RALGAPA1: variants seen among roughly 807,000 people sequenced by gnomAD.
RALGAPA1 encodes Ral GTPase activating protein catalytic subunit alpha 1.
RALGAPA1 carries 52 observed loss-of-function variants against 269.6 expected under a neutral mutation model. The ratio of observed to expected loss-of-function variants is 0.19; its 90% CI spans 0.15 to 0.24. RALGAPA1 has a LOEUF of 0.24. RALGAPA1 is among the 10% of genes least tolerant of loss of function. The probability of loss-of-function intolerance (pLI) is 1.00; values close to 1 mark genes in which losing one functional copy is unlikely to be tolerated. For missense variants in RALGAPA1, 1,917 were observed against 3,013.9 expected (o/e 0.64, Z 8.52); for synonymous variants, 817 against 1,008.3 (o/e 0.81, Z 3.60).
At chr14:35,766,750 A>G (rs1318182628) in intron 4 of RALGAPA1, 18 of 529,910 alleles carry the variant, frequency 3.4e-5, no homozygotes, top group Non-Finnish European at 3.8e-6. Context: ...ATTGCTAATG[A>G]TTTTGTGAAT....
intron 16 of RALGAPA1, among the ~76,000 whole-genome samples, chr14:35,708,010 G>A (rs1438367977): frequency 6.6e-6 from 1 of 151,454 alleles, no homozygotes; most frequent in East Asian, 1.9e-4. Context: ...ACATACACTG[G>A]GGAAAGGACA....
chr14:35,804,637 A>C (rs2077224314), intron 1 of RALGAPA1, among the ~76,000 whole-genome samples: 1 of 151,836 alleles, frequency 6.6e-6, no homozygotes, highest in Admixed American at 6.6e-5. Context: ...TTCAGAAATA[A>C]AAAGAGATTA....
chr14:35,625,259 TA>T, intron 35 of RALGAPA1, 101 bp downstream of exon 35: 1 of 593,352 alleles, frequency 1.7e-6, no homozygotes, highest in South Asian at 3.6e-5. Context: ...TATAAATCAA[TA>T]ACACAGTATT....
intron 31 of RALGAPA1, among the ~76,000 whole-genome samples, chr14:35,641,238 G>C (rs2062008691): frequency 6.6e-6 from 1 of 152,118 alleles, no homozygotes; most frequent in Non-Finnish European, 1.5e-5. Flanking sequence ...GGAGGTCCTA[G>C]CTAGAGCAAG....
chr14:35,700,042 C>T, intron 17 of RALGAPA1, 120 bp downstream of exon 17: 2 of 873,764 alleles, frequency 2.3e-6, no homozygotes, highest in Non-Finnish European at 1.7e-6. Context: ...CACTTTCCCA[C>T]TTTCCCACAC....
intron 12 of RALGAPA1, among the ~76,000 whole-genome samples, chr14:35,729,712 GGAA>G (rs1039397103): frequency 1.3e-5 from 2 of 152,160 alleles, no homozygotes; most frequent in African/African-American, 4.8e-5. Flanking sequence ...GAAAAGCAGT[GGAA>G]GATGATGCTG....
At position 35,785,148 on chromosome 14, in the gene RALGAPA1, T is replaced by C. The variant is rs2141684936; in HGVS notation, c.107-9403A>G. 1.3e-5 allele frequency among the ~76,000 whole-genome samples: 2 copies of C among 152,334 alleles called. 1 individual carries two copies. Among genetic ancestry groups the C allele is most frequent in the South Asian group, 4.1e-4 (2 of 4,832 alleles). ...CACTCAAAGACATTATTTTGGATAC[T>C]GAAAATAATTAAACATATGGTATCT... On this transcript the variant is annotated intron_variant, in intron 1 of 41. Coordinates refer to ENST00000680220, the MANE Select transcript of RALGAPA1 (RefSeq NM_001346249.2).
intron 4 of RALGAPA1, among the ~76,000 whole-genome samples, chr14:35,765,130 G>C (rs1050983334): frequency 2.9e-4 from 44 of 152,124 alleles, no homozygotes; most frequent in Non-Finnish European, 4.3e-4. Context: ...CATATTTCAA[G>C]TTTCCATACA....
At chr14:35,783,782 A>C (rs1028243455) in intron 1 of RALGAPA1, among the ~76,000 whole-genome samples, 2 of 152,224 alleles carry the variant, frequency 1.3e-5, no homozygotes, top group African/African-American at 4.8e-5. Flanking sequence ...CTAAGAAGAT[A>C]TACAAATAGC....
chr14:35,708,772 TTATC>T (rs1212697971), intron 16 of RALGAPA1, among the ~76,000 whole-genome samples: 1 of 152,146 alleles, frequency 6.6e-6, no homozygotes, highest in Non-Finnish European at 1.5e-5. Flanking sequence ...GGAAATCAGT[TTATC>T]TAAGAGATAT....
rs1416907355 is a variant in RALGAPA1, at chr14:35,548,503, C to T, written c.*23+5G>A. The T allele has an allele frequency of 6.4e-7, 1 of 1,558,284 alleles. No homozygotes were observed. The highest frequency in any genetic ancestry group is 8.7e-7 in the Non-Finnish European group (1 of 1,151,838). On this transcript the variant is annotated splice_donor_5th_base_variant and intron_variant, in intron 41 of 41. Transcript: ENST00000680220. Reference sequence around the variant, plus strand: ...GAGGGTGTTTTGGTTGACACTTTGTCTTACCTTCAGATAAACAGAACTGAT... The same window carrying T: ...GAGGGTGTTTTGGTTGACACTTTGTTTTACCTTCAGATAAACAGAACTGAT...
chr14:35,627,066 A>T, intron 34 of RALGAPA1, 24 bp downstream of exon 34: 1 of 1,419,632 alleles, frequency 7.0e-7, no homozygotes, highest in Non-Finnish European at 9.2e-7. Flanking sequence ...AAAAAAAAAG[A>T]AAAAATTTCT....
At chr14:35,562,066 T>A (rs2056303051) in intron 39 of RALGAPA1, among the ~76,000 whole-genome samples, 1 of 152,200 alleles carries the variant, frequency 6.6e-6, no homozygotes, top group Admixed American at 6.5e-5. Flanking sequence ...TAAAAATCAA[T>A]TTGACTTAAC....
At chr14:35,700,018 G>A in intron 17 of RALGAPA1, 144 bp downstream of exon 17, 1 of 675,928 alleles carries the variant, frequency 1.5e-6, no homozygotes, top group South Asian at 2.5e-5. Flanking sequence ...AACTCAAAAT[G>A]TTGATTTCTC....
chr14:35,582,978 C>G (rs765902771), intron 37 of RALGAPA1, among the ~76,000 whole-genome samples: 16 of 152,128 alleles, frequency 1.1e-4, no homozygotes, highest in African/African-American at 2.7e-4. Flanking sequence ...CCCCTTCCCC[C>G]ACACCTTACC....
chr14:35,578,861 C>T (rs2139579745), intron 37 of RALGAPA1, among the ~76,000 whole-genome samples: 1 of 152,266 alleles, frequency 6.6e-6, no homozygotes, highest in Admixed American at 6.5e-5. Flanking sequence ...AGGCCTGGTA[C>T]TAGGTGCTGG....
At chr14:35,594,985 T>A (rs1366398296) in intron 37 of RALGAPA1, among the ~76,000 whole-genome samples, 2 of 151,998 alleles carry the variant, frequency 1.3e-5, no homozygotes, top group Non-Finnish European at 2.9e-5. Flanking sequence ...TTCTGCCACT[T>A]GCTACACATG....
intron 37 of RALGAPA1, among the ~76,000 whole-genome samples, chr14:35,595,402 T>C (rs958769313): frequency 2.6e-5 from 4 of 151,984 alleles, no homozygotes; most frequent in Non-Finnish European, 2.9e-5. Flanking sequence ...ACCCTAAATA[T>C]ACACAATAAA....
chr14:35,647,914 C>T (rs2062557203), intron 31 of RALGAPA1, among the ~76,000 whole-genome samples: 2 of 151,200 alleles, frequency 1.3e-5, no homozygotes, highest in South Asian at 4.2e-4. Context: ...CGCCACTGCA[C>T]TCCAGCCTGG....
Sources: gnomAD v4.1 joint callset for allele counts (sites outside exome capture counted in the v4.1 genomes callset) on GRCh38, gnomAD v4.1.1 for gene constraint, MANE v1.5 for transcripts, NCBI Gene and HGNC (gene_info 2026-07-23, HGNC 2026-07-21) for gene names.